Variants in ZFP64 observed in about 807,000 individuals in gnomAD.
The protein encoded by ZFP64 is zinc finger protein 64.
Under a neutral mutation model 51.6 loss-of-function variants are expected in ZFP64, and 14 were observed. The observed-to-expected ratio is 0.27, with a 90% CI of 0.18 to 0.42. The LOEUF (loss-of-function observed/expected upper bound fraction) is 0.42. ZFP64 is among the 10% of genes least tolerant of loss of function. The pLI is 1.00. For synonymous variants in ZFP64, 375 were observed against 361.4 expected (o/e 1.04, Z -0.43); for missense variants, 754 against 906.8 (o/e 0.83, Z 2.16).
chr20:52,097,113 T>TAA, intron 7 of ZFP64: 5 of 705,616 alleles, frequency 7.1e-6, no homozygotes, highest in East Asian at 2.8e-5. Context: ...CTGGCTGCCC[T>TAA]AAAAAAAAAA....
At chr20:52,183,443 T>C (rs1033696) in intron 2 of ZFP64, among the ~76,000 whole-genome samples, 136,688 of 152,176 alleles carry the variant, frequency 0.9, 61,658 homozygotes, top group East Asian at 1. Context: ...ACTGTCCTCA[T>C]GAAGAAGACC....
chr20:52,142,386 A>ACACACACGTG (rs776498875), intron 5 of ZFP64, among the ~76,000 whole-genome samples: 2 of 141,868 alleles, frequency 1.4e-5, no homozygotes, highest in African/African-American at 5.6e-5. Flanking sequence ...AGACACACAC[A>ACACACACGTG]CACACACACA....
intron 8 of ZFP64, among the ~76,000 whole-genome samples, chr20:52,086,811 A>G (rs936586090): frequency 4.6e-5 from 7 of 152,140 alleles, no homozygotes; most frequent in African/African-American, 1.7e-4. Context: ...GGATTTTTAA[A>G]ACTTCTGATT....
intron 5 of ZFP64, chr20:52,111,148 ACGGGGAGGTGGGGAAGC>A: frequency 1.5e-6 from 1 of 685,954 alleles, no homozygotes; most frequent in Non-Finnish European, 2.6e-6. Flanking sequence ...GGGTTCCGCG[ACGGGGAGGTGGGGAAGC>A]CGTAGTGGAG....
chr20:52,113,317 G>A (rs892955089), intron 5 of ZFP64, among the ~76,000 whole-genome samples: 3 of 148,568 alleles, frequency 2.0e-5, no homozygotes, highest in Admixed American at 1.4e-4. Context: ...CTGGATGACA[G>A]AGCAAGACTC....
chr20:52,185,228 T>C (rs912580755), intron 2 of ZFP64, among the ~76,000 whole-genome samples: 1 of 152,080 alleles, frequency 6.6e-6, no homozygotes. Context: ...TTTGCCATAT[T>C]GGCAAGGCTG....
chr20:52,095,712 G>A (rs1007979033), intron 7 of ZFP64, among the ~76,000 whole-genome samples: 5 of 152,258 alleles, frequency 3.3e-5, no homozygotes, highest in African/African-American at 4.8e-5. Context: ...CATGCTCTGC[G>A]GTACCTCAAG....
exon 9 of ZFP64, chr20:52,084,466 C>A: frequency 7.6e-7 from 1 of 1,317,914 alleles, no homozygotes; most frequent in Non-Finnish European, 1.0e-6. Flanking sequence ...AAGTGGTGCC[C>A]AAAGCCTGTC....
chr20:52,104,827 C>G (rs776593248), intron 5 of ZFP64: 2 of 628,608 alleles, frequency 3.2e-6, no homozygotes, highest in Admixed American at 2.0e-5. Flanking sequence ...CCGCGCATCC[C>G]GAAAACAGCC....
intron 4 of ZFP64, among the ~76,000 whole-genome samples, chr20:52,162,741 C>T (rs1359734626): frequency 1.3e-5 from 2 of 152,200 alleles, no homozygotes; most frequent in Non-Finnish European, 2.9e-5. Flanking sequence ...TTCCTGCGGT[C>T]ACTACACTGT....
intron 8 of ZFP64, among the ~76,000 whole-genome samples, chr20:52,086,336 T>C (rs931378227): frequency 1.2e-4 from 18 of 152,160 alleles, no homozygotes; most frequent in African/African-American, 3.9e-4. Context: ...CACCCATCAA[T>C]ATAATTTTGT....
At chr20:52,103,976 A>AG (rs2079081577) in intron 5 of ZFP64, among the ~76,000 whole-genome samples, 1 of 152,162 alleles carries the variant, frequency 6.6e-6, no homozygotes, top group African/African-American at 2.4e-5. Flanking sequence ...GAAGCTGGAG[A>AG]GCCCGCGGCT....
intron 5 of ZFP64, among the ~76,000 whole-genome samples, chr20:52,107,069 AGAGT>A (rs1306930266): frequency 6.6e-6 from 1 of 152,026 alleles, no homozygotes; most frequent in Non-Finnish European, 1.5e-5. Context: ...CCTGGGCGAC[AGAGT>A]GAGACTCCAT....
chr20:52,189,577 G>A (rs573411776), intron 1 of ZFP64, among the ~76,000 whole-genome samples: 102 of 151,516 alleles, frequency 6.7e-4, no homozygotes, highest in African/African-American at 2.4e-3. Context: ...CTAGGTTCAA[G>A]CGATTCTCCT....
At chr20:52,180,386 C>T (rs1983530028) in intron 2 of ZFP64, among the ~76,000 whole-genome samples, 1 of 152,154 alleles carries the variant, frequency 6.6e-6, no homozygotes, top group Admixed American at 6.5e-5. Flanking sequence ...TTGGAATTCA[C>T]TTCTCTAATT....
chr20:52,151,776 G>T lies in ZFP64; in HGVS notation c.*370C>A. The T allele has an allele frequency of 9.6e-7, 1 of 1,036,650 alleles. No homozygotes were observed. The highest frequency in any genetic ancestry group is 1.2e-6 in the Non-Finnish European group (1 of 860,774). The allele number at this position is 1,036,650 out of a possible 1,614,324, so 64.2% of individuals were successfully genotyped here. ...AACATTAAGAGCAAACCACGGCCAG[G>T]CATGGTGGCTCACACCTGTAATCCC... On this transcript the variant is annotated 3_prime_UTR_variant, in exon 6 of 6. Transcript: ENST00000216923.
At chr20:52,156,992 G>C (rs1981374926) in intron 5 of ZFP64, among the ~76,000 whole-genome samples, 1 of 152,100 alleles carries the variant, frequency 6.6e-6, no homozygotes, top group African/African-American at 2.4e-5. Context: ...AATATAGAAA[G>C]TCAAAGATTA....
At chr20:52,092,659 C>T (rs1388760353) in intron 7 of ZFP64, among the ~76,000 whole-genome samples, 1 of 152,158 alleles carries the variant, frequency 6.6e-6, no homozygotes, top group African/African-American at 2.4e-5. Context: ...GAGTTTGAGA[C>T]CTGCCTGGCC....
intron 7 of ZFP64, chr20:52,097,262 C>T: frequency 1.5e-6 from 2 of 1,305,752 alleles, no homozygotes; most frequent in Non-Finnish European, 2.2e-6. Context: ...GACTGAGTTT[C>T]ATGAGGCAGA....
Sources: gnomAD v4.1 joint callset for allele counts (sites outside exome capture counted in the v4.1 genomes callset) on GRCh38, gnomAD v4.1.1 for gene constraint, MANE v1.5 for transcripts, NCBI Gene and HGNC (gene_info 2026-07-23, HGNC 2026-07-21) for gene names.